The following BUB1B variants were observed in gnomAD, a reference collection of about 807,000 sequenced individuals.
The protein encoded by BUB1B is BUB1 mitotic checkpoint serine/threonine kinase B.
Under a neutral mutation model 137.7 loss-of-function variants are expected in BUB1B, and 86 were observed. The ratio of observed to expected loss-of-function variants is 0.62; its 90% CI spans 0.52 to 0.75. BUB1B has a LOEUF of 0.75. Ranked by LOEUF, BUB1B falls within the 30% of genes least tolerant of loss-of-function variation. The pLI is 0.00. For synonymous variants in BUB1B, 420 were observed against 417.9 expected (o/e 1.00, Z -0.06); for missense variants, 1,130 against 1,236.9 (o/e 0.91, Z 1.30).
chr15:40,187,404 A>C (rs8036410), intron 8 of BUB1B, among the ~76,000 whole-genome samples: 1 of 151,984 alleles, frequency 6.6e-6, no homozygotes, highest in South Asian at 2.1e-4. Context: ...GGGATTACAG[A>C]TGTGAGCCAC....
intron 1 of BUB1B, among the ~76,000 whole-genome samples, chr15:40,163,800 G>A (rs1025053320): frequency 2.6e-5 from 4 of 152,080 alleles, no homozygotes; most frequent in East Asian, 1.9e-4. Context: ...TGTTTATGTC[G>A]ATCAGCCTGT....
At chr15:40,211,046 TATTCTCTA>T (rs1401889601) in intron 18 of BUB1B, among the ~76,000 whole-genome samples, 3 of 152,304 alleles carry the variant, frequency 2.0e-5, no homozygotes, top group South Asian at 2.1e-4. Flanking sequence ...TCTGTTCTCT[TATTCTCTA>T]ATTCCTTTTA....
At chr15:40,193,805 A>G (rs1357035247) in intron 8 of BUB1B, among the ~76,000 whole-genome samples, 2 of 151,900 alleles carry the variant, frequency 1.3e-5, no homozygotes, top group East Asian at 3.9e-4. Flanking sequence ...GAGGCAGGAG[A>G]ATCGCTTGAA....
intron 8 of BUB1B, among the ~76,000 whole-genome samples, chr15:40,186,695 T>TAG (rs2037368250): frequency 2.0e-5 from 3 of 151,784 alleles, no homozygotes; most frequent in African/African-American, 7.2e-5. Context: ...TCCGCCCGCC[T>TAG]TGGCCTCCCA....
chr15:40,190,730 C>T (rs2037426082), intron 8 of BUB1B, among the ~76,000 whole-genome samples: 1 of 152,184 alleles, frequency 6.6e-6, no homozygotes, highest in Non-Finnish European at 1.5e-5. Flanking sequence ...ATAAGGGTTA[C>T]TTGAACACAA....
intron 15 of BUB1B, among the ~76,000 whole-genome samples, chr15:40,206,919 C>T (rs1482738616): frequency 2.6e-5 from 4 of 152,212 alleles, no homozygotes; most frequent in East Asian, 1.9e-4. Context: ...AAGCGATTCT[C>T]CTGCCTCAGC....
chr15:40,170,358 C>T (rs1037722616), intron 3 of BUB1B, among the ~76,000 whole-genome samples, 179 bp from the exon 4 acceptor site: 2 of 152,162 alleles, frequency 1.3e-5, no homozygotes, highest in Non-Finnish European at 1.5e-5. Flanking sequence ...CAGTTTTCCC[C>T]AGAAGCATGT....
At chr15:40,201,658 T>A (rs59584861) in intron 12 of BUB1B, among the ~76,000 whole-genome samples, 152 of 152,014 alleles carry the variant, frequency 1.0e-3, no homozygotes, top group South Asian at 3.5e-3. Context: ...TTTAAAAAAA[T>A]TTTTTTTTAT....
chr15:40,163,733 A>G (rs1341651667), intron 1 of BUB1B, among the ~76,000 whole-genome samples: 1 of 152,188 alleles, frequency 6.6e-6, no homozygotes, highest in Non-Finnish European at 1.5e-5. Context: ...TCGAGTCTTT[A>G]TTCAGAAGTT....
intron 8 of BUB1B, 93 bp downstream of exon 8, chr15:40,185,735 A>T: frequency 2.4e-6 from 3 of 1,231,456 alleles, no homozygotes; most frequent in Non-Finnish European, 3.6e-6. Context: ...CTTCTTTATG[A>T]AGATGAAAGT....
chr15:40,193,171 T>G (rs906516282), intron 8 of BUB1B, among the ~76,000 whole-genome samples: 9 of 152,118 alleles, frequency 5.9e-5, no homozygotes, highest in African/African-American at 2.2e-4. Context: ...CAGACATAAG[T>G]TTTCAACTCA....
At chr15:40,209,361 C>T (rs963758237) in intron 16 of BUB1B, among the ~76,000 whole-genome samples, 12 of 152,330 alleles carry the variant, frequency 7.9e-5, no homozygotes, top group African/African-American at 2.9e-4. Context: ...GCGGAGCTTG[C>T]AGCAGTGAGC....
intron 4 of BUB1B, 65 bp from the exon 5 acceptor site, chr15:40,176,412 T>C: frequency 7.2e-7 from 1 of 1,394,740 alleles, no homozygotes. Context: ...CAGTGATTGT[T>C]TGGCAACTAA....
chr15:40,185,675 A>T, intron 8 of BUB1B, 33 bp downstream of exon 8: 3 of 1,586,830 alleles, frequency 1.9e-6, no homozygotes, highest in Non-Finnish European at 2.6e-6. Context: ...TTGAAGTGGG[A>T]ATTATTAAGG....
At chr15:40,194,805 A>C (rs2140897391) in intron 8 of BUB1B, among the ~76,000 whole-genome samples, 1 of 152,202 alleles carries the variant, frequency 6.6e-6, no homozygotes, top group East Asian at 1.9e-4. Context: ...TGGATACTAA[A>C]CCATGAAAAA....
Position 40,185,269 on chromosome 15 carries a change from G to C in BUB1B, c.856G>C (p.Glu286Gln). Reference protein sequence around the residue: ...DENADEASTAELSKPTVQPWI... With the variant: ...DENADEASTAQLSKPTVQPWI... Reference sequence around the variant, plus strand: ...AAATGCTGATGAGGCTTCTACAGCAGAGTTGTCTAAGCCTACAGTCCAGCC... The same window carrying C: ...AAATGCTGATGAGGCTTCTACAGCACAGTTGTCTAAGCCTACAGTCCAGCC... Residue 286 changes from glutamate (E) to glutamine (Q), a missense_variant, in exon 7 of 23, where the codon GAG (glutamate) becomes CAG (glutamine). Coordinates refer to ENST00000287598, the MANE Select transcript of BUB1B (RefSeq NM_001211.6). 1.9e-6 allele frequency: 3 copies of C among 1,613,982 alleles called. No individual in the cohort carries two copies. Among genetic ancestry groups the C allele is most frequent in the Non-Finnish European group, 2.5e-6 (3 of 1,179,852 alleles).
intron 8 of BUB1B, among the ~76,000 whole-genome samples, chr15:40,192,589 T>C (rs1331158541): frequency 6.6e-6 from 1 of 152,196 alleles, no homozygotes; most frequent in Non-Finnish European, 1.5e-5. Flanking sequence ...TAACTATTGA[T>C]CTTTTCATTG....
intron 18 of BUB1B, among the ~76,000 whole-genome samples, chr15:40,210,820 G>A (rs565928846): frequency 4.6e-5 from 7 of 152,138 alleles, no homozygotes; most frequent in Non-Finnish European, 1.0e-4. Context: ...GCCATTCTGA[G>A]TCTCAAAGCT....
chr15:40,193,217 T>C (rs1459161833), intron 8 of BUB1B, among the ~76,000 whole-genome samples: 2 of 152,298 alleles, frequency 1.3e-5, no homozygotes, highest in African/African-American at 4.8e-5. Context: ...AATTTTAGCC[T>C]TGTAGGAAAG....
Sources: gnomAD v4.1 joint callset for allele counts (sites outside exome capture counted in the v4.1 genomes callset) on GRCh38, gnomAD v4.1.1 for gene constraint, MANE v1.5 for transcripts, NCBI Gene and HGNC (gene_info 2026-07-23, HGNC 2026-07-21) for gene names.